CDH11: variants seen among roughly 807,000 people sequenced by gnomAD.
The protein encoded by CDH11 is cadherin-11.
CDH11 carries 11 observed loss-of-function variants against 67.8 expected under a neutral mutation model. That is an observed-to-expected ratio of 0.16 (90% CI 0.10 to 0.27). The LOEUF (loss-of-function observed/expected upper bound fraction) is 0.27. Ranked by LOEUF, CDH11 falls within the 10% of genes least tolerant of loss-of-function variation. CDH11 has a pLI of 1.00. For synonymous variants in CDH11, 419 were observed against 400.0 expected, an observed-to-expected ratio of 1.05 and a Z score of -0.57; for missense variants, 847 against 1,031.2, an observed-to-expected ratio of 0.82 and a Z score of 2.45.
intron 7 of CDH11, chr16:64,987,493 T>C (rs1454421474): frequency 1.3e-5 from 2 of 152,146 alleles, no homozygotes; most frequent in Non-Finnish European, 2.9e-5. Flanking sequence ...GTAAATGAAA[T>C]GATGTTTGTA....
At chr16:64,993,088 T>G (rs971595032) in intron 4 of CDH11, 54 bp from the exon 5 acceptor site, 11 of 1,460,176 alleles carry the variant, frequency 7.5e-6, no homozygotes, top group Middle Eastern at 3.5e-4. Context: ...TCAAATTATG[T>G]TCTTGTTTAC....
rs3046001 is a variant in CDH11 at position 64,945,301 on chromosome 16, T to TAAA, written c.*2299_*2301dup. The TAAA allele has an allele frequency of 3.6e-5, 14 of 388,320 alleles. No individual in the cohort carries two copies. Among genetic ancestry groups the TAAA allele is most frequent in the South Asian group, 1.1e-4 (1 of 9,094 alleles). The allele number at this position is 388,320 out of a possible 1,614,324, so 24.1% of individuals were successfully genotyped here. A position where few individuals can be genotyped will look rare whatever the true frequency, so the allele number is the denominator to read the frequency against. On this transcript the variant is annotated 3_prime_UTR_variant, in exon 13 of 13. Transcript: ENST00000268603. ...AGAGGCTTAACGAAAAAATAAAAGG[T>TAAA]AAAAAAAAAAAAAAAAAAGAAAAAG...
At position 65,053,811 on chromosome 16, in the gene CDH11, A is replaced by G. The variant is rs1197280956; in HGVS notation, c.-180T>C. On this transcript the variant is annotated 5_prime_UTR_variant, in exon 2 of 13. It removes the in-frame stop codon of an upstream open reading frame in the 5' UTR. Transcript: ENST00000268603. ...AATATTAGTCCAACTTACCTTCTTC[A>G]CCCATTGGATACTTGCTGCCAATTT... 2.2e-6 allele frequency: 1 copy of G among 455,944 alleles called. No homozygotes were observed. The highest frequency in any genetic ancestry group is 2.3e-5 in the Admixed American group (1 of 42,566). 28.2% of individuals were successfully genotyped at this position (455,944 alleles called of 1,614,324 possible). A position where few individuals can be genotyped will look rare whatever the true frequency, so the allele number is the denominator to read the frequency against.
At chr16:65,097,883 T>C (rs963610337) in intron 1 of CDH11, among the ~76,000 whole-genome samples, 1 of 152,148 alleles carries the variant, frequency 6.6e-6, no homozygotes, top group African/African-American at 2.4e-5. Context: ...AATCTGTAAA[T>C]TGGTTTTCTC....
intron 1 of CDH11, among the ~76,000 whole-genome samples, chr16:65,108,927 AC>A (rs1211761047): frequency 6.6e-6 from 1 of 152,146 alleles, no homozygotes; most frequent in Non-Finnish European, 1.5e-5. Context: ...CAGACGGAGC[AC>A]TTGAGGTCAA....
chr16:65,106,167 C>G (rs1177750100), intron 1 of CDH11, among the ~76,000 whole-genome samples: 1 of 152,124 alleles, frequency 6.6e-6, no homozygotes, highest in Non-Finnish European at 1.5e-5. Flanking sequence ...TAACAGAGCT[C>G]AACTGTTTTT....
intron 1 of CDH11, among the ~76,000 whole-genome samples, chr16:65,099,849 T>C (rs2074961068): frequency 6.6e-6 from 1 of 152,004 alleles, no homozygotes; most frequent in Admixed American, 6.6e-5. Context: ...TTCATTGCCC[T>C]CATGACAATG....
At chr16:65,061,768 C>T (rs1236655834) in intron 1 of CDH11, among the ~76,000 whole-genome samples, 1 of 152,200 alleles carries the variant, frequency 6.6e-6, no homozygotes, top group African/African-American at 2.4e-5. Flanking sequence ...GCTGAATGTT[C>T]CGCAGACACA....
chr16:65,046,709 T>C lies in CDH11; in HGVS notation c.-173+7095A>G, dbSNP rs1384987693. Reference sequence around the variant, plus strand: ...TGTTCATAAGAATTTATTGTGTTATTTGGGCAACTTTTCTGTAGGTTTGGA... The same window carrying C: ...TGTTCATAAGAATTTATTGTGTTATCTGGGCAACTTTTCTGTAGGTTTGGA... On this transcript the variant is annotated intron_variant, in intron 2 of 12. Transcript: ENST00000268603. Among the ~76,000 whole-genome samples the C allele has an allele frequency of 2.0e-5, 3 of 152,196 alleles. No individual in the cohort carries two copies. The East Asian group carries it at 5.8e-4, about 29-fold the overall frequency.
intron 1 of CDH11, among the ~76,000 whole-genome samples, chr16:65,112,838 T>C (rs2075182201): frequency 6.6e-6 from 1 of 152,176 alleles, no homozygotes; most frequent in African/African-American, 2.4e-5. Context: ...GATCACGAAC[T>C]TCCAAATAAG....
rs1422587014 is a variant in CDH11, at chr16:64,991,882, G to A, written c.697C>T (p.His233Tyr). The change falls in exon 6 of 13, where the codon CAC becomes TAC. Residue 233 changes from histidine (H) to tyrosine (Y), a missense_variant. His to Tyr is a moderately conservative substitution (Grantham distance 83). This residue lies in a region of CDH11 where 235 missense variants were observed against 352.5 expected (regional missense o/e 0.67). Transcript: ENST00000268603. ...ATGTCCTTGGCCTGGATCACCACGT[G>A]GTACTCCTCCTTGGCCTCCCTGTCC... ...NMDREAKEEY[H>Y]VVIQAKDMGG... 2 of 1,613,784 alleles carry A rather than the reference G, an allele frequency of 1.2e-6. No individual in the cohort carries two copies. Among genetic ancestry groups the A allele is most frequent in the Non-Finnish European group, 1.7e-6 (2 of 1,179,776 alleles).
chr16:65,070,066 A>C (rs890650802), intron 1 of CDH11, among the ~76,000 whole-genome samples: 1 of 152,218 alleles, frequency 6.6e-6, no homozygotes, highest in Admixed American at 6.5e-5. Flanking sequence ...AGAGCTGCTG[A>C]GTATAAGTCC....
intron 1 of CDH11, among the ~76,000 whole-genome samples, chr16:65,081,693 C>T (rs938373589): frequency 2.6e-5 from 4 of 151,800 alleles, no homozygotes; most frequent in Non-Finnish European, 5.9e-5. Context: ...CCCAAGAGAA[C>T]CTGAGTTTTG....
intron 2 of CDH11, among the ~76,000 whole-genome samples, chr16:65,024,069 G>A (rs2142588605): frequency 6.6e-6 from 1 of 152,298 alleles, no homozygotes; most frequent in Middle Eastern, 3.4e-3. Flanking sequence ...ACAGCAAGAA[G>A]ACCACGCTGC....
intron 1 of CDH11, among the ~76,000 whole-genome samples, chr16:65,061,251 AAC>A (rs1045823444): frequency 6.6e-6 from 1 of 152,246 alleles, no homozygotes; most frequent in Non-Finnish European, 1.5e-5. Context: ...GTACACTGCT[AAC>A]ACTCCACAGA....
intron 2 of CDH11, among the ~76,000 whole-genome samples, chr16:65,046,684 T>A (rs959566615): frequency 6.6e-6 from 1 of 152,186 alleles, no homozygotes; most frequent in Admixed American, 6.5e-5. Context: ...CCTGATGAAG[T>A]GTTCATAAGA....
chr16:65,063,361 A>G (rs1005478923), intron 1 of CDH11, among the ~76,000 whole-genome samples: 1 of 152,246 alleles, frequency 6.6e-6, no homozygotes, highest in African/African-American at 2.4e-5. Context: ...AACGAACAAA[A>G]AAAGCACTGT....
At chr16:65,068,212 G>A (rs2074352811) in intron 1 of CDH11, among the ~76,000 whole-genome samples, 1 of 149,370 alleles carries the variant, frequency 6.7e-6, no homozygotes, top group African/African-American at 2.5e-5. Context: ...AAGGGAAAGA[G>A]GAAGGGAAAG....
intron 1 of CDH11, among the ~76,000 whole-genome samples, chr16:65,072,586 T>C (rs1567561960): frequency 6.6e-6 from 1 of 152,226 alleles, no homozygotes; most frequent in Non-Finnish European, 1.5e-5. Context: ...CTATTACTCT[T>C]ATTGTTTTAG....
Sources: allele counts gnomAD v4.1 joint callset (sites outside exome capture counted in the v4.1 genomes callset), GRCh38; gene constraint gnomAD v4.1.1; regional missense constraint gnomAD v4.1.1; transcripts MANE v1.5; gene names NCBI Gene and HGNC (gene_info 2026-07-23, HGNC 2026-07-21).